MGAT4C: variants seen among roughly 807,000 people sequenced by gnomAD.
MGAT4C encodes alpha-1,3-mannosyl-glycoprotein 4-beta-N-acetylglucosaminyltransferase C.
A neutral mutation model predicts 40.1 loss-of-function variants in MGAT4C; 19 were observed. That is an observed-to-expected ratio of 0.47 (90% CI 0.33 to 0.70). The LOEUF (loss-of-function observed/expected upper bound fraction) is 0.70, where lower values mean the gene tolerates loss of function less well. Ranked by LOEUF, MGAT4C falls within the 30% of genes least tolerant of loss-of-function variation. MGAT4C has a pLI of 0.02. For missense variants in MGAT4C, 491 were observed against 563.2 expected (o/e 0.87, Z 1.30); for synonymous variants, 181 against 187.1 (o/e 0.97, Z 0.27).
intron 2 of MGAT4C, among the ~76,000 whole-genome samples, chr12:86,030,272 A>G (rs182639354): frequency 1.3e-5 from 2 of 151,868 alleles, no homozygotes; most frequent in East Asian, 1.9e-4. Flanking sequence ...AACAATTTGT[A>G]TGATGTTTAT....
At chr12:86,177,207 A>G (rs1181556506) in intron 1 of MGAT4C, among the ~76,000 whole-genome samples, 1 of 152,144 alleles carries the variant, frequency 6.6e-6, no homozygotes, top group African/African-American at 2.4e-5. Flanking sequence ...AGAGGATGCA[A>G]GTGAAATGAA....
At chr12:86,770,146 A>AT (rs891254457) in intron 1 of MGAT4C, among the ~76,000 whole-genome samples, 2 of 151,714 alleles carry the variant, frequency 1.3e-5, no homozygotes, top group Non-Finnish European at 2.9e-5. Flanking sequence ...AACAGAGACT[A>AT]TTTTTTTTCA....
chr12:86,174,156 C>CAT lies in MGAT4C; in HGVS notation c.-57+82082_-57+82083insAT, dbSNP rs1555238548. 1.7e-4 allele frequency among the ~76,000 whole-genome samples: 26 copies of CAT among 149,802 alleles called. No homozygotes were observed. In the East Asian group the frequency reaches 4.8e-3, roughly 28 times the overall value. ...ACACACACACACACACACACACACACACAGAATAAAAAACTGAATTAAATG... is the reference window on the plus strand; with the variant it reads ...ACACACACACACACACACACACACACATACAGAATAAAAAACTGAATTAAATG... On this transcript the variant is annotated intron_variant, in intron 1 of 4. Transcript: ENST00000611864.
chr12:86,591,657 A>C (rs1006626703), intron 2 of MGAT4C, among the ~76,000 whole-genome samples: 3 of 151,752 alleles, frequency 2.0e-5, no homozygotes, highest in Admixed American at 6.6e-5. Context: ...AATACACATA[A>C]ACTTGTAATA....
In MGAT4C at chr12:85,973,250, T is replaced by G. The variant is rs1300937951; in HGVS notation, c.*6039A>C. Reference sequence around the variant, plus strand: ...ACTATAAATTAAATATTTAAAATATTTTTGCAATAGTTAGCTTTCAATTAT... The same window carrying G: ...ACTATAAATTAAATATTTAAAATATGTTTGCAATAGTTAGCTTTCAATTAT... On this transcript the variant is annotated 3_prime_UTR_variant, in exon 5 of 5. Coordinates refer to ENST00000611864, the MANE Select transcript of MGAT4C (RefSeq NM_001351288.2). The G allele has an allele frequency of 6.6e-6, 1 of 150,868 alleles. No individual in the cohort carries two copies. Among genetic ancestry groups the G allele is most frequent in the Non-Finnish European group, 1.5e-5 (1 of 67,070 alleles). The allele number at this position is 150,868 out of a possible 1,614,324, so 9.3% of individuals were successfully genotyped here.
At chr12:86,052,092 T>C (rs888864070) in intron 1 of MGAT4C, among the ~76,000 whole-genome samples, 1 of 151,804 alleles carries the variant, frequency 6.6e-6, no homozygotes, top group Non-Finnish European at 1.5e-5. Context: ...TAAATATATG[T>C]AATATAATAC....
At chr12:86,383,550 A>C (rs1234337733) in intron 3 of MGAT4C, among the ~76,000 whole-genome samples, 2 of 16,218 alleles carry the variant, frequency 1.2e-4, no homozygotes, top group East Asian at 1.1e-3. Flanking sequence ...ACTTCGTCTC[A>C]AAAAAAAAAA....
At chr12:86,722,541 A>G (rs1463809480) in intron 2 of MGAT4C, among the ~76,000 whole-genome samples, 1 of 152,206 alleles carries the variant, frequency 6.6e-6, no homozygotes, top group African/African-American at 2.4e-5. Flanking sequence ...CACACTATCA[A>G]GACCACCTCA....
chr12:86,233,699 T>C (rs890679622), intron 1 of MGAT4C, among the ~76,000 whole-genome samples: 11 of 152,164 alleles, frequency 7.2e-5, no homozygotes, highest in African/African-American at 2.4e-4. Context: ...TAAATAGGTA[T>C]GATATGAGCA....
At chr12:86,394,012 G>A (rs1956203516) in intron 3 of MGAT4C, among the ~76,000 whole-genome samples, 1 of 152,086 alleles carries the variant, frequency 6.6e-6, no homozygotes, top group Non-Finnish European at 1.5e-5. Flanking sequence ...CTAGTATAAA[G>A]AACAATCACT....
intron 1 of MGAT4C, among the ~76,000 whole-genome samples, chr12:86,809,504 T>C (rs1206679436): frequency 1.3e-5 from 2 of 152,144 alleles, no homozygotes; most frequent in Middle Eastern, 3.4e-3. Flanking sequence ...CCACCAGCAA[T>C]ATATGATTGA....
chr12:86,191,627 AACAAAACAC>A (rs1889465020), intron 1 of MGAT4C, among the ~76,000 whole-genome samples: 1 of 99,236 alleles, frequency 1.0e-5, no homozygotes, highest in Non-Finnish European at 2.1e-5. Flanking sequence ...AAAAACAAAA[AACAAAACAC>A]ACACACACAC....
At chr12:86,335,201 A>G (rs1020590063) in intron 3 of MGAT4C, among the ~76,000 whole-genome samples, 5 of 151,996 alleles carry the variant, frequency 3.3e-5, no homozygotes, top group African/African-American at 7.2e-5. Context: ...TGAACTATAT[A>G]TAGGTTTCTT....
chr12:86,261,666 A>T (rs1952661009), intron 4 of MGAT4C, among the ~76,000 whole-genome samples: 1 of 152,124 alleles, frequency 6.6e-6, no homozygotes, highest in Non-Finnish European at 1.5e-5. Context: ...ATATCAAGGC[A>T]CTCAAGTACC....
At chr12:86,259,173 A>G (rs1952603395), upstream of MGAT4C, among the ~76,000 whole-genome samples, 1 of 152,014 alleles carries the variant, frequency 6.6e-6, no homozygotes, top group South Asian at 2.1e-4. Context: ...AGTAGAATTT[A>G]TAAAATTTTT....
At chr12:86,747,126 C>CA (rs760366524) in intron 1 of MGAT4C, among the ~76,000 whole-genome samples, 38 of 151,740 alleles carry the variant, frequency 2.5e-4, no homozygotes, top group Non-Finnish European at 4.7e-4. Context: ...CTGATAAACT[C>CA]AGAGCATCCT....
Position 86,679,273 on chromosome 12 carries a change from G to T in MGAT4C, c.-229+47936C>A, listed in dbSNP as rs544405026. 5.9e-5 allele frequency among the ~76,000 whole-genome samples: 9 copies of T among 151,784 alleles called. No homozygotes were observed. The East Asian group carries it at 1.7e-3, about 29-fold the overall frequency. ...ATATCCTTCACCCACTTTTTGATGG[G>T]TTTGTTTTTTTCTTGTAAATTTGTT... is the stretch of plus-strand genomic sequence containing the variant. On this transcript the variant is annotated intron_variant, in intron 2 of 7. Coordinates refer to the MGAT4C transcript ENST00000548651.
intron 1 of MGAT4C, among the ~76,000 whole-genome samples, chr12:86,828,364 T>A (rs925108664): frequency 6.6e-6 from 1 of 151,432 alleles, no homozygotes; most frequent in African/African-American, 2.4e-5. Context: ...CTAAAATAAG[T>A]AATCTAATCT....
intron 2 of MGAT4C, among the ~76,000 whole-genome samples, chr12:86,544,516 C>T (rs1959183293): frequency 6.6e-6 from 1 of 152,042 alleles, no homozygotes; most frequent in Non-Finnish European, 1.5e-5. Flanking sequence ...GAAGCCACTC[C>T]AACCTCAAAG....
Sources: gnomAD v4.1 joint callset for allele counts (sites outside exome capture counted in the v4.1 genomes callset) on GRCh38, gnomAD v4.1.1 for gene constraint, MANE v1.5 for transcripts, NCBI Gene and HGNC (gene_info 2026-07-23, HGNC 2026-07-21) for gene names.